Variants in SGCZ observed in about 807,000 individuals in gnomAD.
SGCZ encodes the protein sarcoglycan zeta.
Under a neutral mutation model 41.3 loss-of-function variants are expected in SGCZ, and 40 were observed. The observed-to-expected ratio is 0.97, with a 90% CI of 0.75 to 1.26. The LOEUF (loss-of-function observed/expected upper bound fraction) is 1.26. SGCZ is among the 50% of genes most tolerant of loss of function. The pLI, the probability that SGCZ is intolerant of heterozygous loss-of-function variation, is 0.00. For synonymous variants in SGCZ, 206 were observed against 137.5 expected (o/e 1.50, Z -3.49); for missense variants, 552 against 369.8 (o/e 1.49, Z -4.04).
intron 1 of SGCZ, among the ~76,000 whole-genome samples, chr8:14,780,521 G>A (rs1178819899): frequency 1.3e-5 from 2 of 152,002 alleles, no homozygotes; most frequent in Non-Finnish European, 2.9e-5. Context: ...ACTAGGTCAT[G>A]TAACAAAGAG....
intron 1 of SGCZ, among the ~76,000 whole-genome samples, chr8:15,065,231 C>T (rs982565206): frequency 6.6e-6 from 1 of 152,062 alleles, no homozygotes; most frequent in South Asian, 2.1e-4. Context: ...ATTTTCTCAC[C>T]CCTTCCCCTG....
intron 2 of SGCZ, among the ~76,000 whole-genome samples, chr8:14,327,375 G>T (rs886081556): frequency 1.2e-4 from 19 of 152,134 alleles, no homozygotes; most frequent in Admixed American, 1.2e-3. Flanking sequence ...TGTATAAATG[G>T]AATTTTCTGG....
chr8:14,666,166 C>T (rs1246013586), intron 1 of SGCZ, among the ~76,000 whole-genome samples: 4 of 152,258 alleles, frequency 2.6e-5, no homozygotes, highest in African/African-American at 9.6e-5. Context: ...TTTCAAATGT[C>T]CTAACAAATA....
chr8:15,139,316 G>C (rs915031803), intron 1 of SGCZ, among the ~76,000 whole-genome samples: 1 of 151,946 alleles, frequency 6.6e-6, no homozygotes, highest in African/African-American at 2.4e-5. Context: ...GAGAGGACGG[G>C]GTATGTCTAA....
chr8:14,142,158 G>T (rs1324208050), intron 5 of SGCZ, among the ~76,000 whole-genome samples: 7 of 152,004 alleles, frequency 4.6e-5, no homozygotes, highest in East Asian at 1.9e-4. Flanking sequence ...CACACACCAG[G>T]GCCTGTCGAG....
At chr8:14,944,549 G>A (rs563426902) in intron 1 of SGCZ, among the ~76,000 whole-genome samples, 77 of 152,266 alleles carry the variant, frequency 5.1e-4, no homozygotes, top group African/African-American at 1.8e-3. Flanking sequence ...AGTTAAAAAT[G>A]TAAATAAAAT....
intron 1 of SGCZ, among the ~76,000 whole-genome samples, chr8:14,664,087 T>A (rs1387048130): frequency 1.3e-5 from 2 of 152,224 alleles, no homozygotes; most frequent in Non-Finnish European, 2.9e-5. Flanking sequence ...TGCTTAGATG[T>A]ACAATGAGAA....
intron 2 of SGCZ, among the ~76,000 whole-genome samples, chr8:14,483,989 T>C (rs926276030): frequency 1.3e-5 from 2 of 152,132 alleles, no homozygotes; most frequent in East Asian, 3.9e-4. Flanking sequence ...CCCATGAAAA[T>C]CCAACTTTTT....
intron 1 of SGCZ, among the ~76,000 whole-genome samples, chr8:15,019,924 G>A (rs889188332): frequency 6.7e-6 from 1 of 150,198 alleles, no homozygotes; most frequent in African/African-American, 2.5e-5. Context: ...TTGCATTCAG[G>A]GATTAGGTAG....
intron 2 of SGCZ, among the ~76,000 whole-genome samples, chr8:14,378,109 A>C (rs906649908): frequency 5.3e-5 from 8 of 150,162 alleles, no homozygotes; most frequent in African/African-American, 2.0e-4. Context: ...CGCCACACTG[A>C]CTTCCACAAT....
At chr8:14,439,240 T>G (rs1245136102) in intron 2 of SGCZ, among the ~76,000 whole-genome samples, 2 of 151,230 alleles carry the variant, frequency 1.3e-5, no homozygotes, top group Non-Finnish European at 3.0e-5. Context: ...TTTTATTATA[T>G]TTTTAGGAGT....
At chr8:14,907,390 C>T (rs1018748523) in intron 1 of SGCZ, among the ~76,000 whole-genome samples, 2 of 151,982 alleles carry the variant, frequency 1.3e-5, no homozygotes. Context: ...GTCTCACTAT[C>T]TTGCCGAGGT....
chr8:14,305,879 A>C (rs994826685), intron 3 of SGCZ, among the ~76,000 whole-genome samples: 1 of 152,124 alleles, frequency 6.6e-6, no homozygotes, highest in Non-Finnish European at 1.5e-5. Flanking sequence ...CTCACTCTCT[A>C]TTGCCGCTGG....
At chr8:14,875,555 C>A (rs960128995) in intron 1 of SGCZ, among the ~76,000 whole-genome samples, 2 of 152,062 alleles carry the variant, frequency 1.3e-5, no homozygotes, top group Admixed American at 6.6e-5. Flanking sequence ...ACGAAAAGCA[C>A]GTGTTAAGAG....
chr8:15,092,620 A>G (rs1462316437), intron 1 of SGCZ, among the ~76,000 whole-genome samples: 1 of 152,234 alleles, frequency 6.6e-6, no homozygotes, highest in East Asian at 1.9e-4. Context: ...CAGATGTAAG[A>G]GAAAACAACT....
chr8:15,098,640 T>C (rs1806479363), intron 1 of SGCZ, among the ~76,000 whole-genome samples: 1 of 152,252 alleles, frequency 6.6e-6, no homozygotes, highest in Non-Finnish European at 1.5e-5. Flanking sequence ...TACCTATTTC[T>C]GAAATACCTG....
At chr8:14,537,715 C>G (rs949570352) in intron 2 of SGCZ, among the ~76,000 whole-genome samples, 9 of 151,998 alleles carry the variant, frequency 5.9e-5, no homozygotes, top group Non-Finnish European at 1.3e-4. Context: ...TCATGCTCAA[C>G]TGTGTCATTG....
chr8:14,309,046 T>C lies in SGCZ; in HGVS notation c.336+15057A>G, dbSNP rs529963714. ...AGAAAATGAAACCGGAAGCCTCCCC[T>C]ACTCTTAATTCCCCAACTACAGAAG... On this transcript the variant is annotated intron_variant, in intron 3 of 7. Transcript: ENST00000382080. 8.4e-5 allele frequency: 112 copies of C among 1,332,370 alleles called. No individual in the cohort carries two copies. In the South Asian group the frequency reaches 1.3e-3, roughly 16 times the overall value. 82.5% of individuals were successfully genotyped at this position (1,332,370 alleles called of 1,614,324 possible).
rs553054892 is a variant in SGCZ at position 14,720,067 on chromosome 8, A to G, written c.40-165141T>C. 3.3e-5 allele frequency among the ~76,000 whole-genome samples: 5 copies of G among 152,140 alleles called. No homozygotes were observed. The East Asian group carries it at 9.7e-4, about 29-fold the overall frequency. ...GGAAGGGATCCAGTTTCAGCTTTCT[A>G]CATATGGCTAGCCAGTTTTCCCAGC... On this transcript the variant is annotated intron_variant, in intron 1 of 7. Transcript: ENST00000382080.
Sources: allele counts gnomAD v4.1 joint callset (sites outside exome capture counted in the v4.1 genomes callset), GRCh38; gene constraint gnomAD v4.1.1; transcripts MANE v1.5; gene names NCBI Gene and HGNC (gene_info 2026-07-23, HGNC 2026-07-21).